ZFP64: variants seen among roughly 807,000 people sequenced by gnomAD.
The protein encoded by ZFP64 is ZFP64 zinc finger protein.
In ZFP64, 14 loss-of-function variants were observed where a neutral mutation model predicts 51.6. The observed-to-expected ratio is 0.27, with a 90% CI of 0.18 to 0.42. The LOEUF is 0.42. Ranked by LOEUF, ZFP64 falls within the 10% of genes least tolerant of loss-of-function variation. ZFP64 has a pLI of 1.00. For missense variants in ZFP64, 754 were observed against 906.8 expected (o/e 0.83, Z 2.16); for synonymous variants, 375 against 361.4 (o/e 1.04, Z -0.43).
At chr20:52,084,986 G>A in exon 9 of ZFP64, 1 of 1,614,102 alleles carries the variant, frequency 6.2e-7, no homozygotes. Context: ...CGCTGGAGCA[G>A]GAGTAGCTGC....
At chr20:52,183,487 C>T (rs1471325729) in intron 2 of ZFP64, among the ~76,000 whole-genome samples, 2 of 152,196 alleles carry the variant, frequency 1.3e-5, no homozygotes, top group African/African-American at 4.8e-5. Flanking sequence ...TGTCCCAGGA[C>T]TGTCCTGAAG....
intron 5 of ZFP64, among the ~76,000 whole-genome samples, chr20:52,129,726 C>G (rs1979630625): frequency 6.6e-6 from 1 of 152,174 alleles, no homozygotes. Flanking sequence ...GTGCCTGCTT[C>G]TGTTCCTCAT....
chr20:52,176,635 G>C (rs1341126656), intron 2 of ZFP64, among the ~76,000 whole-genome samples: 1 of 150,880 alleles, frequency 6.6e-6, no homozygotes, highest in Non-Finnish European at 1.5e-5. Context: ...TCAGCCTCCC[G>C]AGTAGCTGGG....
chr20:52,094,958 A>G (rs1049621466), intron 7 of ZFP64, among the ~76,000 whole-genome samples: 1 of 152,222 alleles, frequency 6.6e-6, no homozygotes, highest in Admixed American at 6.5e-5. Flanking sequence ...ACGGGGAATA[A>G]GACAGATGGT....
At chr20:52,114,577 A>G (rs1008607133) in intron 5 of ZFP64, among the ~76,000 whole-genome samples, 1 of 152,242 alleles carries the variant, frequency 6.6e-6, no homozygotes, top group Non-Finnish European at 1.5e-5. Flanking sequence ...CTATCAGATC[A>G]ATAAAAATTT....
intron 5 of ZFP64, among the ~76,000 whole-genome samples, chr20:52,102,847 C>A (rs556405072): frequency 1.1e-4 from 16 of 152,318 alleles, no homozygotes; most frequent in Admixed American, 3.3e-4. Flanking sequence ...TGTAAGAGAA[C>A]CTCATGTATT....
chr20:52,110,478 G>C, intron 5 of ZFP64: 2 of 681,134 alleles, frequency 2.9e-6, no homozygotes, highest in South Asian at 1.9e-5. Context: ...TCTATGCTGG[G>C]AAGTCCTCTG....
intron 5 of ZFP64, among the ~76,000 whole-genome samples, chr20:52,104,429 G>A (rs969834490): frequency 3.3e-5 from 5 of 152,208 alleles, no homozygotes; most frequent in African/African-American, 1.2e-4. Context: ...TGTGGGGGCC[G>A]CCTGTTAAGT....
At chr20:52,129,179 T>A (rs964141262) in intron 5 of ZFP64, among the ~76,000 whole-genome samples, 1 of 151,968 alleles carries the variant, frequency 6.6e-6, no homozygotes, top group Non-Finnish European at 1.5e-5. Context: ...CCTCCCGGGT[T>A]CACGCCGTTC....
At chr20:52,182,220 T>C (rs1040609597) in intron 2 of ZFP64, among the ~76,000 whole-genome samples, 2 of 152,086 alleles carry the variant, frequency 1.3e-5, no homozygotes, top group Non-Finnish European at 2.9e-5. Flanking sequence ...TGTTAGGTGG[T>C]GGATTGGGAT....
At chr20:52,108,746 C>T (rs977242542) in intron 5 of ZFP64, among the ~76,000 whole-genome samples, 1 of 151,938 alleles carries the variant, frequency 6.6e-6, no homozygotes, top group African/African-American at 2.4e-5. Flanking sequence ...TGGCCTCAAG[C>T]AATCCACCTG....
rs141100721 is a variant in ZFP64 at position 52,088,820 on chromosome 20, T to C, written c.977-177A>G. The C allele has an allele frequency of 2.1e-4, 164 of 796,940 alleles. No homozygotes were observed. The African/African-American group carries it at 2.5e-3, about 12-fold the overall frequency. 49.4% of individuals were successfully genotyped at this position (796,940 alleles called of 1,614,324 possible). On this transcript the variant is annotated intron_variant, in intron 7 of 8. Coordinates refer to the ZFP64 transcript ENST00000361387. ...GGGAAACAAGAATGTGTATCATTCA[T>C]TGATAGTTCAGAAATCCTAAGGGAA...
chr20:52,146,647 C>T (rs1021907018), downstream of ZFP64, among the ~76,000 whole-genome samples: 7 of 151,792 alleles, frequency 4.6e-5, no homozygotes, highest in East Asian at 1.4e-3. Flanking sequence ...AGTTAATGGG[C>T]GCAGCACACC....
intron 7 of ZFP64, among the ~76,000 whole-genome samples, chr20:52,096,113 GACC>G (rs2078985643): frequency 6.6e-6 from 1 of 152,220 alleles, no homozygotes; most frequent in African/African-American, 2.4e-5. Flanking sequence ...TCTGGACAGA[GACC>G]ACCATCTTTG....
intron 5 of ZFP64, among the ~76,000 whole-genome samples, chr20:52,102,090 G>A (rs1000921485): frequency 7.1e-5 from 7 of 98,964 alleles, no homozygotes; most frequent in African/African-American, 3.0e-4. Flanking sequence ...CCAGCCTGGT[G>A]AGAGTAACTC....
intron 5 of ZFP64, among the ~76,000 whole-genome samples, chr20:52,108,564 A>G (rs980985722): frequency 2.0e-5 from 3 of 151,292 alleles, no homozygotes; most frequent in African/African-American, 4.9e-5. Context: ...GCTGGAGTGC[A>G]ATGGCACAAT....
At chr20:52,189,391 C>T (rs1333433027) in intron 1 of ZFP64, among the ~76,000 whole-genome samples, 2 of 136,680 alleles carry the variant, frequency 1.5e-5, no homozygotes, top group Non-Finnish European at 3.1e-5. Context: ...GAGACTTCAT[C>T]TCAAAAAAAA....
chr20:52,138,407 T>C (rs538356646), intron 5 of ZFP64, among the ~76,000 whole-genome samples: 1 of 151,668 alleles, frequency 6.6e-6, no homozygotes, highest in Admixed American at 6.6e-5. Flanking sequence ...AATTGTCCTA[T>C]CAAAGACAAG....
intron 3 of ZFP64, 101 bp from the exon 4 acceptor site, chr20:52,164,858 C>A (rs909952070): frequency 1.1e-6 from 1 of 918,010 alleles, no homozygotes; most frequent in Non-Finnish European, 1.7e-6. Flanking sequence ...CAAGAGTTAA[C>A]ACCACGGTAA....
Sources: gnomAD v4.1 joint callset for allele counts (sites outside exome capture counted in the v4.1 genomes callset) on GRCh38, gnomAD v4.1.1 for gene constraint, MANE v1.5 for transcripts, NCBI Gene and HGNC (gene_info 2026-07-23, HGNC 2026-07-21) for gene names.